Variants in PRDM12 observed in about 807,000 individuals in gnomAD.
PRDM12 encodes PR/SET domain 12, also known as PR domain zinc finger protein 12.
In PRDM12, 17 loss-of-function variants were observed where a neutral mutation model predicts 29.6. The ratio of observed to expected loss-of-function variants is 0.57; its 90% CI spans 0.39 to 0.86. The LOEUF (loss-of-function observed/expected upper bound fraction) is 0.86. PRDM12 is among the 40% of genes least tolerant of loss of function. PRDM12 has a pLI of 0.00. For synonymous variants in PRDM12, 231 were observed against 225.8 expected (o/e 1.02, Z -0.21); for missense variants, 422 against 510.8 (o/e 0.83, Z 1.68).
At chr9:130,671,954 A>G (rs1323205382) in intron 3 of PRDM12, among the ~76,000 whole-genome samples, 2 of 152,256 alleles carry the variant, frequency 1.3e-5, no homozygotes, top group African/African-American at 4.8e-5. Flanking sequence ...CCATAAATAC[A>G]GAATAGCAGC....
At chr9:130,678,699 G>A (rs1420956620) in intron 4 of PRDM12, 59 bp downstream of exon 4, 7 of 1,392,124 alleles carry the variant, frequency 5.0e-6, no homozygotes, top group African/African-American at 2.9e-5. Context: ...AGCCCAGGGA[G>A]GGGAGAGAGA....
Position 130,681,763 on chromosome 9 carries a change from C to CCGG in PRDM12, c.*97_*99dup. ...TCGCCCTCCAGCCCCAACCCCCGGC[C>CCGG]CGGCGCCGCCGCGGAGCCCCGCGCG... On this transcript the variant is annotated 3_prime_UTR_variant, in exon 5 of 5. Coordinates refer to ENST00000253008, the MANE Select transcript of PRDM12 (RefSeq NM_021619.3). This position sits in a 1 kb window ranked among gnomAD's most constrained non-coding sequence, Gnocchi z 8.1. The CCGG allele has an allele frequency of 1.0e-6, 1 of 955,282 alleles. No individual in the cohort carries two copies. The highest frequency in any genetic ancestry group is 1.2e-6 in the Non-Finnish European group (1 of 802,794). 59.2% of individuals were successfully genotyped at this position (955,282 alleles called of 1,614,324 possible). A position where few individuals can be genotyped will look rare whatever the true frequency, so the allele number is the denominator to read the frequency against.
In PRDM12 at chr9:130,666,745, G is replaced by A. The variant is rs973568367; in HGVS notation, c.361G>A (p.Val121Met). ...CGAGATGGGCCCCTTCACCGGCCGC[G>A]TGATCGCCCCGGAGCACGTGGACAT... ...GTEMGPFTGR[V>M]IAPEHVDICK... The change falls in exon 2 of 5, where the codon GTG (valine) becomes ATG (methionine). Residue 121 changes from valine to methionine, a missense_variant. By Grantham distance (21) the Val-to-Met change is conservative. Around this residue, in one of 5 missense-constraint regions of PRDM12, gnomAD observed 300 missense variants for 350.0 expected, o/e 0.86. Transcript: ENST00000253008. The A allele has an allele frequency of 1.9e-6, 3 of 1,612,870 alleles. No homozygotes were observed. Among genetic ancestry groups the A allele is most frequent in the Admixed American group, 1.7e-5 (1 of 59,964 alleles).
At chr9:130,680,634 A>ATATATATATATATATATATATAT (rs1554753095) in intron 4 of PRDM12, among the ~76,000 whole-genome samples, 2 of 88,498 alleles carry the variant, frequency 2.3e-5, no homozygotes, top group Non-Finnish European at 3.9e-5. Flanking sequence ...AAAAAAAAAA[A>ATATATATATATATATATATATAT]ATATATATAT....
chr9:130,667,536 C>CG (rs1246326739), intron 2 of PRDM12, among the ~76,000 whole-genome samples: 1 of 151,992 alleles, frequency 6.6e-6, no homozygotes, highest in East Asian at 1.9e-4. Context: ...CTCCAGCTCC[C>CG]CCCGGCGGAC....
At chr9:130,679,904 T>G (rs1324959738) in intron 4 of PRDM12, among the ~76,000 whole-genome samples, 2 of 150,622 alleles carry the variant, frequency 1.3e-5, no homozygotes, top group Admixed American at 1.3e-4. Context: ...CAAATGATCC[T>G]CCTGCCTCTG....
In PRDM12 at chr9:130,664,781, A is replaced by G. The variant is rs1264792784; in HGVS notation, c.128A>G (p.Asn43Ser). 2.5e-6 allele frequency: 4 copies of G among 1,603,930 alleles called. No homozygotes were observed. In the African/African-American group the frequency reaches 5.3e-5, roughly 21 times the overall value. Residue 43 changes from asparagine (N) to serine (S), a missense_variant, in exon 1 of 5, where the codon AAC (asparagine) becomes AGC (serine). Transcript: ENST00000253008. This position sits in a 1 kb window ranked among gnomAD's most constrained non-coding sequence, Gnocchi z 6.4. ...LHSFLYGRWR[N>S]VLGEQLFEDK... is the part of the protein sequence containing the mutation. ...AGCTTCCTGTACGGCCGCTGGCGCA[A>G]CGTGCTCGGGGAGCAGCTCTTCGAG...
chr9:130,669,350 A>AATAT (rs1470824857), intron 3 of PRDM12, among the ~76,000 whole-genome samples: 1 of 151,180 alleles, frequency 6.6e-6, no homozygotes, highest in African/African-American at 2.4e-5. Flanking sequence ...TAAATAAATA[A>AATAT]AAATAAAAAT....
intron 3 of PRDM12, among the ~76,000 whole-genome samples, chr9:130,671,181 C>T (rs908091329): frequency 6.6e-6 from 1 of 152,054 alleles, no homozygotes; most frequent in Admixed American, 6.6e-5. Context: ...CCCGTCTCTA[C>T]TAAAAATACA....
chr9:130,666,699 G>C lies in PRDM12; in HGVS notation c.315G>C (p.Lys105Asn). Residue 105 changes from lysine (K) to asparagine (N), a missense_variant, in exon 2 of 5, where the codon AAG becomes AAC. This residue lies in a region of PRDM12 where 300 missense variants were observed against 350.0 expected (regional missense o/e 0.86). Coordinates refer to ENST00000253008, the MANE Select transcript of PRDM12 (RefSeq NM_021619.3). ...IPGEGLGIFS[K>N]TWIKAGTEMG... is the part of the protein sequence containing the mutation. ...GCGAGGGCCTCGGCATCTTCTCCAA[G>C]ACGTGGATCAAGGCGGGAACCGAGA... is the stretch of plus-strand genomic sequence containing the variant. 6.2e-7 allele frequency: 1 copy of C among 1,613,612 alleles called. No individual in the cohort carries two copies. The highest frequency in any genetic ancestry group is 8.5e-7 in the Non-Finnish European group (1 of 1,179,880).
Position 130,666,681 on chromosome 9 carries a change from C to T in PRDM12, c.297C>T (p.Gly99=). 1 of 1,613,498 alleles carries T rather than the reference C, an allele frequency of 6.2e-7. No homozygotes were observed. ...IIAQSSIPGE[G]LGIFSKTWIK... ...CTCAGAGCTCCATCCCTGGCGAGGG[C>T]CTCGGCATCTTCTCCAAGACGTGGA... Residue 99 remains glycine, a synonymous_variant, in exon 2 of 5, where the codon GGC becomes GGT. Transcript: ENST00000253008.
intron 3 of PRDM12, among the ~76,000 whole-genome samples, chr9:130,674,006 C>CT (rs1830812806): frequency 8.4e-6 from 1 of 118,890 alleles, no homozygotes; most frequent in Non-Finnish European, 1.7e-5. Context: ...TTCTTTCTTT[C>CT]TTTCTTTTTT....
intron 3 of PRDM12, among the ~76,000 whole-genome samples, chr9:130,671,949 A>C (rs1830792831): frequency 1.3e-5 from 2 of 152,218 alleles, no homozygotes; most frequent in South Asian, 4.1e-4. Flanking sequence ...ACTTTCCATA[A>C]ATACAGAATA....
At chr9:130,667,601 C>T (rs1271479081) in intron 2 of PRDM12, among the ~76,000 whole-genome samples, 2 of 152,134 alleles carry the variant, frequency 1.3e-5, no homozygotes, top group African/African-American at 4.8e-5. Context: ...CCTCTCTTGA[C>T]CTCATCTCCC....
intron 3 of PRDM12, among the ~76,000 whole-genome samples, chr9:130,669,098 C>T (rs566056791): frequency 5.3e-5 from 8 of 151,862 alleles, no homozygotes; most frequent in Non-Finnish European, 1.0e-4. Context: ...ATTGCCGAGG[C>T]GGGCAGATCA....
At chr9:130,674,274 A>G (rs888794802) in intron 3 of PRDM12, among the ~76,000 whole-genome samples, 2 of 151,738 alleles carry the variant, frequency 1.3e-5, no homozygotes, top group African/African-American at 2.4e-5. Context: ...CGGCCCCCCA[A>G]AGTGCTGGGA....
intron 3 of PRDM12, among the ~76,000 whole-genome samples, chr9:130,669,379 G>C (rs1030599548): frequency 1.3e-5 from 2 of 151,674 alleles, no homozygotes; most frequent in Non-Finnish European, 2.9e-5. Context: ...AAAAATTAGT[G>C]GGGCGTGGTG....
chr9:130,671,441 C>T (rs1315944329), intron 3 of PRDM12, among the ~76,000 whole-genome samples: 2 of 151,306 alleles, frequency 1.3e-5, no homozygotes. Flanking sequence ...GTGATATAGA[C>T]AGATCCACCA....
At position 130,666,643 on chromosome 9, in the gene PRDM12, G is replaced by A. The variant is rs1426552588; in HGVS notation, c.259G>A (p.Glu87Lys). 6.2e-7 allele frequency: 1 copy of A among 1,612,858 alleles called. No individual in the cohort carries two copies. The highest frequency in any genetic ancestry group is 8.5e-7 in the Non-Finnish European group (1 of 1,179,678). Reference protein sequence around the residue: ...QKLSSLVLPAEVIIAQSSIPG... With the variant: ...QKLSSLVLPAKVIIAQSSIPG... ...GCTGTCCAGCCTGGTGCTGCCTGCGGAGGTGATCATCGCTCAGAGCTCCAT... is the reference window on the plus strand; with the variant it reads ...GCTGTCCAGCCTGGTGCTGCCTGCGAAGGTGATCATCGCTCAGAGCTCCAT... Residue 87 changes from glutamate (E) to lysine (K), a missense_variant, in exon 2 of 5, where the codon GAG (glutamate) becomes AAG (lysine). Glu to Lys is a moderately conservative substitution (Grantham distance 56, BLOSUM62 1). Transcript: ENST00000253008.
Sources: gnomAD v4.1 joint callset for allele counts (sites outside exome capture counted in the v4.1 genomes callset) on GRCh38, gnomAD v4.1.1 for gene constraint, gnomAD v4.1.1 regional missense constraint, Gnocchi (gnomAD v3.1) non-coding constraint, MANE v1.5 for transcripts, NCBI Gene and HGNC (gene_info 2026-07-23, HGNC 2026-07-21) for gene names.